Variants in FSTL5 observed in about 807,000 individuals in gnomAD.
The protein encoded by FSTL5 is follistatin like 5, also known as follistatin-related protein 5.
A neutral mutation model predicts 89.1 loss-of-function variants in FSTL5; 62 were observed. The observed-to-expected ratio is 0.70, with a 90% CI of 0.57 to 0.86. FSTL5 has a LOEUF of 0.86. Ranked by LOEUF, FSTL5 falls within the 40% of genes least tolerant of loss-of-function variation. The probability of loss-of-function intolerance (pLI) is 0.00; values close to 1 mark genes in which losing one functional copy is unlikely to be tolerated. For synonymous variants in FSTL5, 383 were observed against 346.2 expected (o/e 1.11, Z -1.18); for missense variants, 1,057 against 1,001.6 (o/e 1.06, Z -0.75).
At position 162,019,878 on chromosome 4, in the gene FSTL5, G is replaced by A. The variant is rs1032500035; in HGVS notation, c.160+13747C>T. Among the ~76,000 whole-genome samples the A allele has an allele frequency of 5.4e-5, 8 of 149,256 alleles. 1 individual carries two copies. The highest frequency in any genetic ancestry group is 6.7e-5 in the Admixed American group (1 of 14,860). ...TATAGAAGTATATATAAATATATAT[G>A]CATTTATTTTTATAATATTTTTACA... On this transcript the variant is annotated intron_variant, in intron 3 of 15. Coordinates refer to ENST00000306100, the MANE Select transcript of FSTL5 (RefSeq NM_020116.5).
intron 7 of FSTL5, among the ~76,000 whole-genome samples, chr4:161,651,883 C>T (rs574203472): frequency 2.0e-5 from 3 of 152,162 alleles, no homozygotes; most frequent in East Asian, 1.9e-4. Flanking sequence ...ATAAAACAGA[C>T]GAAATGAAAG....
chr4:161,498,162 T>C (rs1416007859), intron 12 of FSTL5, among the ~76,000 whole-genome samples: 5 of 151,984 alleles, frequency 3.3e-5, no homozygotes, highest in African/African-American at 9.7e-5. Flanking sequence ...TGTGTATACA[T>C]AGAGAAATAA....
At chr4:161,942,970 G>A (rs527628955) in intron 3 of FSTL5, among the ~76,000 whole-genome samples, 4 of 152,080 alleles carry the variant, frequency 2.6e-5, no homozygotes, top group African/African-American at 4.8e-5. Context: ...AAGCCAATTC[G>A]GCAAAGCTGC....
chr4:162,021,283 T>A (rs1036919310), intron 3 of FSTL5, among the ~76,000 whole-genome samples: 8 of 152,126 alleles, frequency 5.3e-5, no homozygotes, highest in Non-Finnish European at 1.0e-4. Flanking sequence ...TGAAATAGGA[T>A]TCATAGGGAT....
intron 1 of FSTL5, among the ~76,000 whole-genome samples, chr4:162,134,880 G>A (rs1732466292): frequency 1.3e-5 from 2 of 152,170 alleles, no homozygotes; most frequent in Admixed American, 6.5e-5. Context: ...TTGTTAAGTA[G>A]GGTTGTTATT....
intron 13 of FSTL5, among the ~76,000 whole-genome samples, chr4:161,467,164 T>C (rs1181973959): frequency 6.6e-6 from 1 of 152,144 alleles, no homozygotes; most frequent in Non-Finnish European, 1.5e-5. Flanking sequence ...TTTTGATTTT[T>C]GGACTTCACT....
intron 6 of FSTL5, among the ~76,000 whole-genome samples, chr4:161,677,780 G>T (rs1737357859): frequency 6.6e-6 from 1 of 151,694 alleles, no homozygotes; most frequent in Non-Finnish European, 1.5e-5. Context: ...CAATTATGTT[G>T]TAAAATAAAT....
chr4:161,805,608 G>T (rs1729940844), intron 4 of FSTL5, among the ~76,000 whole-genome samples: 1 of 152,106 alleles, frequency 6.6e-6, no homozygotes, highest in South Asian at 2.1e-4. Flanking sequence ...AGCATATGAT[G>T]AATTCAAGCT....
intron 4 of FSTL5, among the ~76,000 whole-genome samples, chr4:161,847,580 C>T (rs1037734627): frequency 3.3e-5 from 5 of 152,092 alleles, no homozygotes; most frequent in African/African-American, 1.2e-4. Flanking sequence ...TTTCAAAGGG[C>T]AAGTTTCCAG....
chr4:161,809,859 G>A (rs1225178798), intron 4 of FSTL5, among the ~76,000 whole-genome samples: 2 of 152,202 alleles, frequency 1.3e-5, no homozygotes, highest in East Asian at 3.8e-4. Context: ...TATTTAATAG[G>A]TATAGAGTTT....
At chr4:161,726,471 G>T (rs1049327804) in intron 6 of FSTL5, among the ~76,000 whole-genome samples, 1 of 151,636 alleles carries the variant, frequency 6.6e-6, no homozygotes, top group Non-Finnish European at 1.5e-5. Flanking sequence ...CAAGTGGTCC[G>T]CCCACCTCGG....
chr4:161,912,280 T>A (rs1427586809), intron 4 of FSTL5, among the ~76,000 whole-genome samples: 1 of 152,162 alleles, frequency 6.6e-6, no homozygotes, highest in Admixed American at 6.6e-5. Context: ...AAAATGAATA[T>A]GGTAAGTGAA....
At chr4:161,778,780 G>C (rs1741514547) in intron 4 of FSTL5, among the ~76,000 whole-genome samples, 1 of 152,196 alleles carries the variant, frequency 6.6e-6, no homozygotes, top group Non-Finnish European at 1.5e-5. Flanking sequence ...GCCATTGCTA[G>C]CAATTTTGGT....
chr4:161,462,455 T>C (rs1052470602), intron 13 of FSTL5, among the ~76,000 whole-genome samples: 5 of 152,222 alleles, frequency 3.3e-5, no homozygotes, highest in Non-Finnish European at 7.3e-5. Flanking sequence ...TCAGTATAGA[T>C]CATGTTTATG....
At chr4:161,989,704 G>C (rs1274055124) in intron 3 of FSTL5, among the ~76,000 whole-genome samples, 1 of 152,148 alleles carries the variant, frequency 6.6e-6, no homozygotes, top group Non-Finnish European at 1.5e-5. Context: ...AGAGAATGGT[G>C]AGTGGCTGGC....
At chr4:161,496,335 C>T (rs1415704564) in intron 12 of FSTL5, among the ~76,000 whole-genome samples, 1 of 152,050 alleles carries the variant, frequency 6.6e-6, no homozygotes, top group Non-Finnish European at 1.5e-5. Flanking sequence ...GCCTATGGTG[C>T]CCAGTTGTTT....
At chr4:161,855,170 T>G (rs893348125) in intron 4 of FSTL5, among the ~76,000 whole-genome samples, 1 of 151,950 alleles carries the variant, frequency 6.6e-6, no homozygotes, top group African/African-American at 2.4e-5. Flanking sequence ...TAGGGGTAAA[T>G]TAATTATATT....
At chr4:161,493,855 C>A (rs1001879505) in intron 12 of FSTL5, among the ~76,000 whole-genome samples, 1 of 152,048 alleles carries the variant, frequency 6.6e-6, no homozygotes, top group Non-Finnish European at 1.5e-5. Flanking sequence ...TATCGATAAT[C>A]TCTTGAAAGG....
chr4:162,088,322 TA>T (rs1364284253), intron 2 of FSTL5, among the ~76,000 whole-genome samples: 2 of 152,084 alleles, frequency 1.3e-5, no homozygotes, highest in African/African-American at 4.8e-5. Context: ...TATAGAATTA[TA>T]ACTCAAGTAT....
Sources: gnomAD v4.1 joint callset for allele counts (sites outside exome capture counted in the v4.1 genomes callset) on GRCh38, gnomAD v4.1.1 for gene constraint, MANE v1.5 for transcripts, NCBI Gene and HGNC (gene_info 2026-07-23, HGNC 2026-07-21) for gene names.